The following NEK6 variants were observed in gnomAD, a reference collection of about 807,000 sequenced individuals.
NEK6 encodes the protein NIMA related kinase 6, also known as serine/threonine-protein kinase Nek6.
A neutral mutation model predicts 43.5 loss-of-function variants in NEK6; 27 were observed. The ratio of observed to expected loss-of-function variants is 0.62; its 90% CI spans 0.46 to 0.86. The LOEUF is 0.86. Among genes scored for constraint, NEK6 ranks in the 40% least tolerant of loss-of-function variants. The pLI, the probability that NEK6 is intolerant of heterozygous loss-of-function variation, is 0.00. For synonymous variants in NEK6, 167 were observed against 164.1 expected (o/e 1.02, Z -0.14); for missense variants, 318 against 414.4 (o/e 0.77, Z 2.02).
intron 4 of NEK6, among the ~76,000 whole-genome samples, chr9:124,318,222 T>G (rs1287530806): frequency 6.6e-6 from 1 of 152,192 alleles, no homozygotes; most frequent in Non-Finnish European, 1.5e-5. Context: ...CCATTCTGAC[T>G]GGTGTGAAAT....
chr9:124,258,111 GCCGGTGGGGCCCCGCGGC>G, intron 1 of NEK6, 26 bp downstream of exon 1: 13 of 979,118 alleles, frequency 1.3e-5, no homozygotes, highest in Non-Finnish European at 1.6e-5. Context: ...CTGGGGCCGG[GCCGGTGGGGCCCCGCGGC>G]CCGGAGAAGG....
At chr9:124,308,484 T>A (rs1833368369) in intron 2 of NEK6, among the ~76,000 whole-genome samples, 1 of 151,804 alleles carries the variant, frequency 6.6e-6, no homozygotes, top group South Asian at 2.1e-4. Context: ...AAACCCCATC[T>A]CTACTAAAAA....
intron 1 of NEK6, among the ~76,000 whole-genome samples, chr9:124,295,269 G>A (rs1456568402): frequency 1.3e-5 from 2 of 152,246 alleles, no homozygotes; most frequent in Non-Finnish European, 2.9e-5. Flanking sequence ...TGGGGCGAGC[G>A]TGAGGGAACA....
At chr9:124,316,056 C>T (rs530181595) in intron 4 of NEK6, among the ~76,000 whole-genome samples, 9 of 152,368 alleles carry the variant, frequency 5.9e-5, no homozygotes, top group South Asian at 2.1e-4. Flanking sequence ...CAATGCCAGC[C>T]GCCTTCCCGA....
At position 124,326,495 on chromosome 9, in the gene NEK6, C is replaced by A; in HGVS notation, c.514+57C>A. The A allele has an allele frequency of 7.9e-7, 1 of 1,269,096 alleles. No individual in the cohort carries two copies. The highest frequency in any genetic ancestry group is 1.1e-6 in the Non-Finnish European group (1 of 879,872). 78.6% of individuals were successfully genotyped at this position (1,269,096 alleles called of 1,614,324 possible). On this transcript the variant is annotated intron_variant, in intron 6 of 9. Transcript: ENST00000320246. This position sits in a 1 kb window ranked among gnomAD's most constrained non-coding sequence, Gnocchi z 4.5. ...CCACCTGGAGCCCAGGAAGACACTT[C>A]CTCATGGCTCCTCCAGGGTCCTCAG...
chr9:124,312,748 G>A (rs1833601288), intron 3 of NEK6, 99 bp downstream of exon 3: 3 of 1,237,116 alleles, frequency 2.4e-6, no homozygotes, highest in Non-Finnish European at 3.3e-6. Flanking sequence ...CCTCTTCTGT[G>A]AACGAGGGAA....
chr9:124,329,589 G>C (rs1415985295), intron 7 of NEK6, among the ~76,000 whole-genome samples: 1 of 152,238 alleles, frequency 6.6e-6, no homozygotes, highest in Non-Finnish European at 1.5e-5. Context: ...CCTGGGGCCT[G>C]TCCCCACTCC....
chr9:124,321,604 G>A lies in NEK6; in HGVS notation c.405+35G>A, dbSNP rs202018331. 4.4e-4 allele frequency: 584 copies of A among 1,331,108 alleles called. 2 individuals carry two copies. In the African/African-American group the frequency reaches 7.3e-3, roughly 17 times the overall value. 82.5% of individuals were successfully genotyped at this position (1,331,108 alleles called of 1,614,324 possible). ...TGGCGGGGTGGGGGTGCTGGGGGCTGCGCAGATCTGGAGCCAAAGGTGGCA... is the reference window on the plus strand; with the variant it reads ...TGGCGGGGTGGGGGTGCTGGGGGCTACGCAGATCTGGAGCCAAAGGTGGCA... On this transcript the variant is annotated intron_variant, in intron 5 of 9. Coordinates refer to ENST00000320246, the MANE Select transcript of NEK6 (RefSeq NM_014397.6).
At chr9:124,350,568 A>G (rs1830211954) in intron 9 of NEK6, among the ~76,000 whole-genome samples, 1 of 152,178 alleles carries the variant, frequency 6.6e-6, no homozygotes, top group Non-Finnish European at 1.5e-5. Flanking sequence ...CAAGTTCAAA[A>G]TAATTTGGAG....
chr9:124,271,458 C>T lies in NEK6; in HGVS notation c.-30+13373C>T, dbSNP rs946693018. 9.2e-5 allele frequency among the ~76,000 whole-genome samples: 14 copies of T among 152,248 alleles called. 1 individual carries two copies. Among genetic ancestry groups the T allele is most frequent in the Admixed American group, 3.9e-4 (6 of 15,294 alleles). On this transcript the variant is annotated intron_variant, in intron 1 of 9. Coordinates refer to ENST00000320246, the MANE Select transcript of NEK6 (RefSeq NM_014397.6). ...AGGAGGCTCAGGTGAGGGGTACTTA[C>T]TTAGTACCCACTGTGCACCGGAGAC... is the stretch of plus-strand genomic sequence containing the variant.
At chr9:124,340,059 C>T (rs1018874595) in intron 8 of NEK6, among the ~76,000 whole-genome samples, 1 of 152,228 alleles carries the variant, frequency 6.6e-6, no homozygotes, top group African/African-American at 2.4e-5. Context: ...AGGAGTCAGA[C>T]TTGCCTCATG....
chr9:124,284,176 C>G (rs1832048104), intron 1 of NEK6, among the ~76,000 whole-genome samples: 2 of 152,196 alleles, frequency 1.3e-5, no homozygotes, highest in African/African-American at 4.8e-5. Context: ...TGTTGAAACC[C>G]TGTCTCTACT....
At chr9:124,310,729 C>G (rs1450664712) in intron 2 of NEK6, among the ~76,000 whole-genome samples, 1 of 152,170 alleles carries the variant, frequency 6.6e-6, no homozygotes, top group Non-Finnish European at 1.5e-5. Context: ...TCCCAAATGG[C>G]TGGGATTTAC....
At chr9:124,258,291 C>T in intron 1 of NEK6, 1 of 985,174 alleles carries the variant, frequency 1.0e-6, no homozygotes, top group Non-Finnish European at 1.2e-6. Flanking sequence ...GGCGTGTCCG[C>T]GTGTCCCGGG....
intron 1 of NEK6, chr9:124,286,538 G>A (rs1222673053): frequency 6.6e-6 from 1 of 152,280 alleles, no homozygotes; most frequent in Non-Finnish European, 1.5e-5. Flanking sequence ...TCTAAGAAGC[G>A]AGGCGAAACC....
chr9:124,315,780 G>T (rs1364439807), intron 4 of NEK6, among the ~76,000 whole-genome samples: 1 of 152,202 alleles, frequency 6.6e-6, no homozygotes, highest in Non-Finnish European at 1.5e-5. Flanking sequence ...AGGGGATTTG[G>T]TCCCTTCTCC....
At chr9:124,318,408 A>AT (rs1400694616) in intron 4 of NEK6, among the ~76,000 whole-genome samples, 2 of 151,334 alleles carry the variant, frequency 1.3e-5, no homozygotes, top group East Asian at 1.9e-4. Context: ...AGCCCAGCTA[A>AT]TTTTTTTTTG....
In NEK6 at chr9:124,351,048, A is replaced by G. The variant is rs1162916599; in HGVS notation, c.*101A>G. 3.9e-6 allele frequency: 3 copies of G among 770,826 alleles called. No individual in the cohort carries two copies. The highest frequency in any genetic ancestry group is 6.5e-6 in the Non-Finnish European group (3 of 464,752). 47.7% of individuals were successfully genotyped at this position (770,826 alleles called of 1,614,324 possible). The stretch of plus-strand genomic sequence containing the variant: ...CTGGTAGCCTAGAACAGCTAAGACC[A>G]CAGGGTTCAGCAGGTTCCCCAAAAG... On this transcript the variant is annotated 3_prime_UTR_variant, in exon 10 of 10. Coordinates refer to ENST00000320246, the MANE Select transcript of NEK6 (RefSeq NM_014397.6).
intron 2 of NEK6, among the ~76,000 whole-genome samples, chr9:124,304,186 G>A (rs1833140209): frequency 6.6e-6 from 1 of 152,256 alleles, no homozygotes; most frequent in Non-Finnish European, 1.5e-5. Context: ...GGGAAAGGGG[G>A]ACTTTCTCCT....
Sources: gnomAD v4.1 joint callset for allele counts (sites outside exome capture counted in the v4.1 genomes callset) on GRCh38, gnomAD v4.1.1 for gene constraint, Gnocchi (gnomAD v3.1) non-coding constraint, MANE v1.5 for transcripts, NCBI Gene and HGNC (gene_info 2026-07-23, HGNC 2026-07-21) for gene names.